LAMA2: variants seen among roughly 807,000 people sequenced by gnomAD.
The protein encoded by LAMA2 is laminin subunit alpha-2.
A neutral mutation model predicts 364.8 loss-of-function variants in LAMA2; 269 were observed. The observed-to-expected ratio is 0.74, with a 90% confidence interval of 0.67 to 0.82. The LOEUF (loss-of-function observed/expected upper bound fraction) is 0.82, where lower values mean the gene tolerates loss of function less well. Among genes scored for constraint, LAMA2 ranks in the 40% least tolerant of loss-of-function variants. The pLI is 0.00. For missense variants in LAMA2, 3,807 were observed against 3,873.2 expected (o/e 0.98, Z 0.45); for synonymous variants, 1,379 against 1,370.6 (o/e 1.01, Z -0.14).
intron 1 of LAMA2, among the ~76,000 whole-genome samples, chr6:129,048,488 CTTTCT>C (rs1582938403): frequency 4.7e-3 from 344 of 73,204 alleles, no homozygotes; most frequent in South Asian, 0.012. Context: ...TTCTTTCTTT[CTTTCT>C]TTCCTTCCTT....
At chr6:129,324,594 A>T (rs774911759) in intron 28 of LAMA2, among the ~76,000 whole-genome samples, 1 of 152,198 alleles carries the variant, frequency 6.6e-6, no homozygotes, top group South Asian at 2.1e-4. Context: ...TGCAAACATC[A>T]TAGAGTGTAC....
chr6:129,273,137 A>G (rs1788058019), intron 17 of LAMA2, among the ~76,000 whole-genome samples: 3 of 152,148 alleles, frequency 2.0e-5, no homozygotes, highest in Non-Finnish European at 4.4e-5. Context: ...AACAAATGAA[A>G]TATATTCCTT....
intron 12 of LAMA2, among the ~76,000 whole-genome samples, chr6:129,193,289 T>C (rs1203193866): frequency 1.3e-5 from 2 of 152,220 alleles, no homozygotes; most frequent in Non-Finnish European, 2.9e-5. Flanking sequence ...TTCTACCTGA[T>C]ATGAATGTTA....
At chr6:129,457,439 A>C (rs1783027527) in intron 48 of LAMA2, among the ~76,000 whole-genome samples, 1 of 152,106 alleles carries the variant, frequency 6.6e-6, no homozygotes, top group African/African-American at 2.4e-5. Flanking sequence ...GAATTTTGAA[A>C]TCAAATCCAG....
chr6:129,244,041 G>T (rs1195445594), intron 12 of LAMA2, among the ~76,000 whole-genome samples: 1 of 152,006 alleles, frequency 6.6e-6, no homozygotes, highest in Admixed American at 6.6e-5. Context: ...CCCCTGGACT[G>T]CATAACTCAG....
At chr6:129,256,342 T>A (rs1786659596) in intron 14 of LAMA2, among the ~76,000 whole-genome samples, 2 of 152,172 alleles carry the variant, frequency 1.3e-5, no homozygotes, top group Non-Finnish European at 1.5e-5. Flanking sequence ...AAATGAAATG[T>A]CTTTCCAGCC....
intron 28 of LAMA2, among the ~76,000 whole-genome samples, chr6:129,326,864 A>G (rs1775337468): frequency 6.7e-6 from 1 of 149,108 alleles, no homozygotes; most frequent in South Asian, 2.1e-4. Flanking sequence ...TCAGCTTGCT[A>G]AAGAATTGGA....
chr6:129,304,365 G>A (rs1330200881), intron 22 of LAMA2, among the ~76,000 whole-genome samples: 3 of 152,068 alleles, frequency 2.0e-5, no homozygotes, highest in Non-Finnish European at 4.4e-5. Flanking sequence ...CCGGGTTCAC[G>A]CCATTCTCCT....
intron 29 of LAMA2, among the ~76,000 whole-genome samples, chr6:129,333,482 TTG>T (rs2114546503): frequency 6.6e-6 from 1 of 152,302 alleles, no homozygotes; most frequent in East Asian, 1.9e-4. Context: ...ATATGCTTAA[TTG>T]TGGAGAGTGG....
chr6:129,501,518 C>T (rs1245180725), intron 58 of LAMA2, among the ~76,000 whole-genome samples: 2 of 152,190 alleles, frequency 1.3e-5, no homozygotes, highest in South Asian at 2.1e-4. Flanking sequence ...AAGGCTTTTC[C>T]TCATCAAGTA....
chr6:128,929,930 G>A, intron 1 of LAMA2: 1 of 784,248 alleles, frequency 1.3e-6, no homozygotes, highest in African/African-American at 1.7e-5. Context: ...CAGGAGCGCG[G>A]CCCACAGCCC....
chr6:129,196,440 C>T (rs985694003), intron 12 of LAMA2, among the ~76,000 whole-genome samples: 2 of 152,136 alleles, frequency 1.3e-5, no homozygotes, highest in Admixed American at 6.5e-5. Flanking sequence ...ACAAACAAAA[C>T]TCTAAGAAAT....
At chr6:129,330,601 T>TTG (rs1554273765) in intron 29 of LAMA2, among the ~76,000 whole-genome samples, 2 of 47,118 alleles carry the variant, frequency 4.2e-5, no homozygotes, top group Non-Finnish European at 1.0e-4. Flanking sequence ...GGTTTTTGTT[T>TTG]TTTTTTTTTT....
intron 1 of LAMA2, among the ~76,000 whole-genome samples, chr6:128,967,954 A>G (rs1157089463): frequency 6.6e-6 from 1 of 152,196 alleles, no homozygotes; most frequent in Admixed American, 6.5e-5. Context: ...TCACAGACCT[A>G]GTGCCTGCAT....
At chr6:128,920,250 C>T (rs562331056) in intron 1 of LAMA2, among the ~76,000 whole-genome samples, 28 of 152,066 alleles carry the variant, frequency 1.8e-4, no homozygotes, top group African/African-American at 5.3e-4. Context: ...CTCCACCTCC[C>T]GGGTTCAAGC....
At chr6:129,406,453 A>G (rs1284804427) in intron 40 of LAMA2, among the ~76,000 whole-genome samples, 3 of 152,214 alleles carry the variant, frequency 2.0e-5, no homozygotes, top group African/African-American at 7.2e-5. Context: ...GGAAAGTACT[A>G]TAAAGCATTT....
chr6:129,233,396 G>T (rs1210971608), intron 12 of LAMA2, among the ~76,000 whole-genome samples: 1 of 152,140 alleles, frequency 6.6e-6, no homozygotes, highest in Non-Finnish European at 1.5e-5. Flanking sequence ...AGAGTCTACT[G>T]TTGAACAGAA....
chr6:129,024,185 T>C (rs1785644036), intron 1 of LAMA2, among the ~76,000 whole-genome samples: 1 of 152,068 alleles, frequency 6.6e-6, no homozygotes, highest in African/African-American at 2.4e-5. Flanking sequence ...CAAATAAACC[T>C]TAGAATTGGA....
At chr6:129,073,591 G>T (rs1280099491) in intron 3 of LAMA2, among the ~76,000 whole-genome samples, 2 of 152,024 alleles carry the variant, frequency 1.3e-5, no homozygotes, top group Non-Finnish European at 2.9e-5. Context: ...TTCTCAGTCT[G>T]TACATTTTCT....
Sources: allele counts gnomAD v4.1 joint callset (sites outside exome capture counted in the v4.1 genomes callset), GRCh38; gene constraint gnomAD v4.1.1; transcripts MANE v1.5; gene names NCBI Gene and HGNC (gene_info 2026-07-23, HGNC 2026-07-21).